COL4A1: variants seen among roughly 807,000 people sequenced by gnomAD.
COL4A1 encodes collagen type IV alpha 1 chain, also known as collagen alpha-1(IV) chain.
Under a neutral mutation model 216.6 loss-of-function variants are expected in COL4A1, and 40 were observed. The observed-to-expected ratio is 0.18, with a 90% CI of 0.14 to 0.24. The LOEUF (loss-of-function observed/expected upper bound fraction) is 0.24, where lower values mean the gene tolerates loss of function less well. COL4A1 is among the 10% of genes least tolerant of loss of function. COL4A1 has a pLI of 1.00. For missense variants in COL4A1, 1,628 were observed against 2,196.8 expected, an observed-to-expected ratio of 0.74 and a Z score of 5.18; for synonymous variants, 839 against 810.7, an observed-to-expected ratio of 1.03 and a Z score of -0.59.
intron 1 of COL4A1, among the ~76,000 whole-genome samples, chr13:110,270,623 G>C (rs111910496): frequency 1.8e-3 from 272 of 152,114 alleles, no homozygotes; most frequent in African/African-American, 6.0e-3. Context: ...TGGGAACGAG[G>C]TCTCTGACCT....
At chr13:110,234,253 A>C (rs1881197226) in intron 2 of COL4A1, among the ~76,000 whole-genome samples, 2 of 152,096 alleles carry the variant, frequency 1.3e-5, no homozygotes, top group South Asian at 2.1e-4. Context: ...CCACCGATCC[A>C]CTCTTTCACA....
rs533879793 is a variant in COL4A1, at chr13:110,151,257, C to T, written c.4929-813G>A. ...ATTATTTAAATTAATGGGATCTTAC[C>T]TAATTTGCTTTGGGAAAACATTTTA... On this transcript the variant is annotated intron_variant, in intron 51 of 51. Coordinates refer to ENST00000375820, the MANE Select transcript of COL4A1 (RefSeq NM_001845.6). Among the ~76,000 whole-genome samples the T allele has an allele frequency of 1.1e-4, 16 of 151,888 alleles. No homozygotes were observed. The East Asian group carries it at 3.1e-3, about 29-fold the overall frequency.
rs1085307967 is a variant in COL4A1, at chr13:110,161,249, G to A, written c.4583C>T (p.Pro1528Leu). 1 of 1,614,190 alleles carries A rather than the reference G, an allele frequency of 6.2e-7. No individual in the cohort carries two copies. Among genetic ancestry groups the A allele is most frequent in the Non-Finnish European group, 8.5e-7 (1 of 1,180,040 alleles). Residue 1528 changes from proline to leucine, a missense_variant, in exon 49 of 52, where the codon CCC becomes CTC. Coordinates refer to ENST00000375820, the MANE Select transcript of COL4A1 (RefSeq NM_001845.6). ...GATGGGTGCCATTGACATGGGCATG[G>A]GCTCAGGGGTGGACAGCCAGTACGA... ...DYSYWLSTPE[P>L]MPMSMAPITG...
At chr13:110,295,004 T>C (rs73617467) in intron 1 of COL4A1, among the ~76,000 whole-genome samples, 1,832 of 152,350 alleles carry the variant, frequency 0.012, 35 homozygotes, top group African/African-American at 0.042. Flanking sequence ...TCTAATTTTG[T>C]GAAGTTAGAT....
chr13:110,295,566 C>T (rs1160318493), intron 1 of COL4A1, among the ~76,000 whole-genome samples: 2 of 151,860 alleles, frequency 1.3e-5, no homozygotes, highest in African/African-American at 2.4e-5. Flanking sequence ...GCTGGGATTA[C>T]AGGCGCCCGC....
rs1419043832 is a variant in COL4A1 at position 110,155,394 on chromosome 13, A to G, written c.4644T>C (p.Cys1548=). The G allele has an allele frequency of 1.2e-6, 2 of 1,613,198 alleles. No homozygotes were observed. ...CCATGGCAGGCGCCTCACACACAGC[A>G]CACCTGGAAGTGGAGCAGAGACACT... is the stretch of plus-strand genomic sequence containing the variant. ...GENIRPFISR[C]AVCEAPAMVM... Residue 1548 remains cysteine (C), a synonymous_variant, in exon 50 of 52, where the codon TGT becomes TGC. Transcript: ENST00000375820.
In COL4A1 at chr13:110,267,547, T is replaced by G. The variant is rs573499666; in HGVS notation, c.85-24813A>C. 8.5e-5 allele frequency among the ~76,000 whole-genome samples: 13 copies of G among 152,222 alleles called. No homozygotes were observed. The South Asian group carries it at 2.7e-3, about 32-fold the overall frequency. On this transcript the variant is annotated intron_variant, in intron 1 of 51. Transcript: ENST00000375820. ...CAAAGAGCTCTCAGTCTCTGGAGTT[T>G]TCCTTATCCACCAGTAAGCTCCCCT...
At chr13:110,293,201 G>C (rs913392266) in intron 1 of COL4A1, among the ~76,000 whole-genome samples, 3 of 152,142 alleles carry the variant, frequency 2.0e-5, no homozygotes, top group African/African-American at 7.2e-5. Context: ...CCAAAGCTTA[G>C]GCAAACATGA....
chr13:110,165,008 G>A lies in COL4A1; in HGVS notation c.4022-18C>T, dbSNP rs778889500. Reference sequence around the variant, plus strand: ...CGGGAGACCTGTGGGAATAGGGAAGGCATTGATCAATTTCACTGTCCACAT... The same window carrying A: ...CGGGAGACCTGTGGGAATAGGGAAGACATTGATCAATTTCACTGTCCACAT... On this transcript the variant is annotated intron_variant, in intron 45 of 51. Coordinates refer to ENST00000375820, the MANE Select transcript of COL4A1 (RefSeq NM_001845.6). The A allele has an allele frequency of 1.7e-5, 28 of 1,600,132 alleles. No homozygotes were observed. Among genetic ancestry groups the A allele is most frequent in the Non-Finnish European group, 2.2e-5 (26 of 1,174,076 alleles).
chr13:110,267,177 T>A (rs571484266), intron 1 of COL4A1, among the ~76,000 whole-genome samples: 111 of 152,086 alleles, frequency 7.3e-4, no homozygotes, highest in African/African-American at 2.6e-3. Flanking sequence ...GGTCACCCAG[T>A]GGGCCCTGAG....
chr13:110,185,176 C>T (rs1023191968), intron 26 of COL4A1, among the ~76,000 whole-genome samples: 11 of 151,936 alleles, frequency 7.2e-5, no homozygotes, highest in African/African-American at 2.7e-4. Flanking sequence ...GACGGAGTCT[C>T]ACTCTGTCAC....
At chr13:110,285,067 C>T (rs1382574856) in intron 1 of COL4A1, among the ~76,000 whole-genome samples, 1 of 152,220 alleles carries the variant, frequency 6.6e-6, no homozygotes, top group Non-Finnish European at 1.5e-5. Context: ...CTGAGGCTTT[C>T]AGGGAAAGAA....
chr13:110,219,675 T>TATATGTATATAC (rs1277853334), intron 2 of COL4A1, among the ~76,000 whole-genome samples: 11,619 of 79,058 alleles, frequency 0.15, 674 homozygotes, highest in East Asian at 0.24. Context: ...TATATATATA[T>TATATGTATATAC]ATGTGTATAT....
chr13:110,207,270 A>G lies in COL4A1; in HGVS notation c.780+133T>C, dbSNP rs2139199026. The G allele has an allele frequency of 1.2e-6, 1 of 808,484 alleles. No homozygotes were observed. The highest frequency in any genetic ancestry group is 2.1e-6 in the Non-Finnish European group (1 of 470,516). 50.1% of individuals were successfully genotyped at this position (808,484 alleles called of 1,614,324 possible). ...GGGGCTCGTATTTTATGGACTGAAC[A>G]GTCTATAAATCTGTTTTCCAGACCA... is the stretch of plus-strand genomic sequence containing the variant. On this transcript the variant is annotated intron_variant, in intron 13 of 51. Coordinates refer to ENST00000375820, the MANE Select transcript of COL4A1 (RefSeq NM_001845.6). The surrounding 1 kb of genome is among the most constrained non-coding windows in gnomAD (Gnocchi z 4.4).
rs1302928640 is a variant in COL4A1 at position 110,149,723 on chromosome 13, TATATATTTA to T, written c.*631_*639del. The T allele has an allele frequency of 6.6e-6, 1 of 152,344 alleles. No individual in the cohort carries two copies. Among genetic ancestry groups the T allele is most frequent in the Non-Finnish European group, 1.5e-5 (1 of 68,072 alleles). The allele number at this position is 152,344 out of a possible 1,614,324, so 9.4% of individuals were successfully genotyped here. On this transcript the variant is annotated 3_prime_UTR_variant, in exon 52 of 52. Coordinates refer to ENST00000375820, the MANE Select transcript of COL4A1 (RefSeq NM_001845.6). ...CATCTATATAAATTACTAATATATA[TATATATTTA>T]ATTTTTGACTATTTTTGGACCATCT... is the stretch of plus-strand genomic sequence containing the variant.
At chr13:110,224,000 A>T (rs946843597) in intron 2 of COL4A1, among the ~76,000 whole-genome samples, 1 of 152,210 alleles carries the variant, frequency 6.6e-6, no homozygotes, top group Admixed American at 6.5e-5. Flanking sequence ...TTTGGATTTT[A>T]CTTACTCCAT....
At position 110,208,734 on chromosome 13, in the gene COL4A1, T is replaced by C. The variant is rs192813579; in HGVS notation, c.693+115A>G. On this transcript the variant is annotated intron_variant, in intron 12 of 51. Transcript: ENST00000375820. The stretch of plus-strand genomic sequence containing the variant: ...ACACTAACTACCAAATGCAAGAACA[T>C]GCAGAGAAGAGTAACTATACTTGTA... 2.8e-3 allele frequency: 2,773 copies of C among 977,726 alleles called. 12 individuals are homozygous for C. The highest frequency in any genetic ancestry group is 4.0e-3 in the Non-Finnish European group (2,415 of 603,970). 60.6% of individuals were successfully genotyped at this position (977,726 alleles called of 1,614,324 possible). A position where few individuals can be genotyped will look rare whatever the true frequency, so the allele number is the denominator to read the frequency against.
chr13:110,292,448 G>A (rs2391823), intron 1 of COL4A1, among the ~76,000 whole-genome samples: 118,621 of 152,130 alleles, frequency 0.78, 46,994 homozygotes, highest in East Asian at 0.93. Context: ...TCTGGAGGTG[G>A]TTATTTTTGT....
intron 1 of COL4A1, among the ~76,000 whole-genome samples, chr13:110,291,357 T>A (rs1289581786): frequency 6.6e-6 from 1 of 152,210 alleles, no homozygotes; most frequent in Non-Finnish European, 1.5e-5. Context: ...GCGAGGGAGC[T>A]TTAACCATGC....
Sources: gnomAD v4.1 joint callset for allele counts (sites outside exome capture counted in the v4.1 genomes callset) on GRCh38, gnomAD v4.1.1 for gene constraint, Gnocchi (gnomAD v3.1) non-coding constraint, MANE v1.5 for transcripts, NCBI Gene and HGNC (gene_info 2026-07-23, HGNC 2026-07-21) for gene names.